GMFB: variants seen among roughly 807,000 people sequenced by gnomAD.
The protein encoded by GMFB is GMF-beta.
GMFB carries 13 observed loss-of-function variants against 25.6 expected under a neutral mutation model. That is an observed-to-expected ratio of 0.51 (90% CI 0.33 to 0.81). GMFB has a LOEUF of 0.81. Ranked by LOEUF, GMFB falls within the 30% of genes least tolerant of loss-of-function variation. The pLI is 0.02. For missense variants in GMFB, 146 were observed against 175.4 expected (o/e 0.83, Z 0.95); for synonymous variants, 57 against 56.9 (o/e 1.00, Z 0.00).
chr14:54,488,643 G>C, intron 1 of GMFB: 1 of 412,246 alleles, frequency 2.4e-6, no homozygotes, highest in East Asian at 3.8e-5. Flanking sequence ...AGAAGGACCT[G>C]GCGTGGGGCC....
chr14:54,488,761 G>C (rs2031824568), intron 1 of GMFB, 164 bp downstream of exon 1: 1 of 547,012 alleles, frequency 1.8e-6, no homozygotes, highest in Non-Finnish European at 3.1e-6. Flanking sequence ...GGCGGCGGCA[G>C]AGGCCAAGTA....
chr14:54,482,661 T>C (rs1050881699), intron 2 of GMFB, among the ~76,000 whole-genome samples: 1 of 152,210 alleles, frequency 6.6e-6, no homozygotes, highest in Admixed American at 6.5e-5. Flanking sequence ...CACGGTATCA[T>C]TATTCTAAGA....
At chr14:54,488,731 A>G (rs2031823983) in intron 1 of GMFB, 194 bp downstream of exon 1, 2 of 510,382 alleles carry the variant, frequency 3.9e-6, no homozygotes, top group African/African-American at 2.0e-5. Context: ...CAGCTGGAAG[A>G]TGCTGCCCTG....
chr14:54,485,741 T>C (rs2031772493), intron 1 of GMFB, among the ~76,000 whole-genome samples: 1 of 152,054 alleles, frequency 6.6e-6, no homozygotes, highest in African/African-American at 2.4e-5. Flanking sequence ...AAAGCAGTAC[T>C]TCAAAATATA....
At chr14:54,488,772 C>T in intron 1 of GMFB, 153 bp downstream of exon 1, 1 of 583,146 alleles carries the variant, frequency 1.7e-6, no homozygotes, top group Non-Finnish European at 2.8e-6. Context: ...AGGCCAAGTA[C>T]TCTAGCTATG....
Position 54,478,143 on chromosome 14 carries a change from TTTC to T in GMFB, c.371_373del (p.Arg124del), listed in dbSNP as rs2031664415. On this transcript the variant is annotated inframe_deletion, in exon 7 of 7. Transcript: ENST00000358056. ...CCATTCTTCAGTTAGGTCTTCGGTA[TTTC>T]TTATTTCAAATACCTTTAAAAAAAA... 1 of 1,381,190 alleles carries T rather than the reference TTTC, an allele frequency of 7.2e-7. No individual in the cohort carries two copies. The highest frequency in any genetic ancestry group is 9.7e-7 in the Non-Finnish European group (1 of 1,029,962). The allele number at this position is 1,381,190 out of a possible 1,614,324, so 85.6% of individuals were successfully genotyped here.
At chr14:54,482,124 TA>T in intron 3 of GMFB, 28 bp downstream of exon 3, 1 of 1,408,220 alleles carries the variant, frequency 7.1e-7, no homozygotes. Context: ...TACTTAACTA[TA>T]AAATTGTATT....
At chr14:54,486,511 T>C (rs1365514299) in intron 1 of GMFB, among the ~76,000 whole-genome samples, 1 of 151,910 alleles carries the variant, frequency 6.6e-6, no homozygotes, top group South Asian at 2.1e-4. Context: ...AAACAACGAG[T>C]GAAGAGACAA....
In GMFB at chr14:54,484,884, A is replaced by T. The variant is rs573612107; in HGVS notation, c.4-1117T>A. On this transcript the variant is annotated intron_variant, in intron 1 of 6. Transcript: ENST00000358056. ...ATGTAAGAATGGTTCAACATGGGCA[A>T]ATCAATAAATGTGATACATTACATT... is the stretch of plus-strand genomic sequence containing the variant. Among the ~76,000 whole-genome samples the T allele has an allele frequency of 2.0e-3, 299 of 152,348 alleles. 2 individuals carry two copies. Among genetic ancestry groups the T allele is most frequent in the African/African-American group, 6.8e-3 (281 of 41,582 alleles).
intron 1 of GMFB, among the ~76,000 whole-genome samples, chr14:54,484,227 A>T (rs2031753971): frequency 6.6e-6 from 1 of 152,170 alleles, no homozygotes; most frequent in South Asian, 2.1e-4. Context: ...GGGGAAAAAA[A>T]ATATAAGCAA....
At chr14:54,479,556 C>T (rs955750648) in intron 6 of GMFB, 3 of 436,276 alleles carry the variant, frequency 6.9e-6, no homozygotes, top group East Asian at 8.0e-5. Flanking sequence ...CTAACACTGC[C>T]TATATTTTGA....
intron 1 of GMFB, among the ~76,000 whole-genome samples, chr14:54,485,507 A>G (rs1046345793): frequency 2.0e-5 from 3 of 152,208 alleles, no homozygotes; most frequent in Non-Finnish European, 4.4e-5. Context: ...CACAGATGAA[A>G]GAAATTGAAG....
intron 6 of GMFB, chr14:54,479,113 T>C (rs1039698747): frequency 1.3e-5 from 2 of 152,126 alleles, no homozygotes; most frequent in Non-Finnish European, 1.5e-5. Context: ...GGGAAAATAC[T>C]GATGCTGTTC....
At position 54,477,515 on chromosome 14, in the gene GMFB, G is replaced by A. The variant is rs2031655922; in HGVS notation, c.*573C>T. The A allele has an allele frequency of 6.6e-6, 1 of 152,020 alleles. No individual in the cohort carries two copies. Among genetic ancestry groups the A allele is most frequent in the Non-Finnish European group, 1.5e-5 (1 of 67,916 alleles). The allele number at this position is 152,020 out of a possible 1,614,324, so 9.4% of individuals were successfully genotyped here. A position where few individuals can be genotyped will look rare whatever the true frequency, so the allele number is the denominator to read the frequency against. On this transcript the variant is annotated 3_prime_UTR_variant, in exon 7 of 7. Coordinates refer to ENST00000358056, the MANE Select transcript of GMFB (RefSeq NM_004124.3). ...AAATCTAACTCCCGACCTTAAAAAT[G>A]AGTGACTGATGAACATAGTTTCTAG...
chr14:54,488,954 C>G lies in GMFB; in HGVS notation c.-27G>C, dbSNP rs1350335111. 6.4e-7 allele frequency: 1 copy of G among 1,558,030 alleles called. No homozygotes were observed. ...TTCCTTCCGGCCGTCAGCGGCCTGT[C>G]GCCTACACTCGGGCGCCTTTAAGAA... On this transcript the variant is annotated 5_prime_UTR_variant, in exon 1 of 7. Coordinates refer to ENST00000358056, the MANE Select transcript of GMFB (RefSeq NM_004124.3).
chr14:54,487,015 A>G (rs1271810649), intron 1 of GMFB, among the ~76,000 whole-genome samples: 1 of 152,246 alleles, frequency 6.6e-6, no homozygotes, highest in African/African-American at 2.4e-5. Context: ...CATGAGTTCT[A>G]CTTTGGACAA....
At chr14:54,481,481 C>G in intron 3 of GMFB, 23 bp from the exon 4 acceptor site, 1 of 1,572,018 alleles carries the variant, frequency 6.4e-7, no homozygotes, top group East Asian at 2.2e-5. Flanking sequence ...AGAAAAGCAA[C>G]TTTTAAACAT....
intron 5 of GMFB, 77 bp from the exon 6 acceptor site, chr14:54,479,936 A>T (rs1332514825): frequency 7.2e-6 from 6 of 831,778 alleles, no homozygotes; most frequent in Non-Finnish European, 1.2e-5. Flanking sequence ...TTTATTTTTT[A>T]AAATGACACA....
Position 54,482,386 on chromosome 14 carries a change from C to T in GMFB, c.101-184G>A, listed in dbSNP as rs1196629977. On this transcript the variant is annotated intron_variant, in intron 2 of 6. Transcript: ENST00000358056. ...CTAGCTTTGCTTTTCAAGCTGTCAG[C>T]TTTTAAAAGCTTTTACCCATAATTC... Among the ~76,000 whole-genome samples, 2 of 152,172 alleles carry T rather than the reference C, an allele frequency of 1.3e-5. 1 individual carries two copies. The highest frequency in any genetic ancestry group is 1.3e-4 in the Admixed American group (2 of 15,276).
Sources: gnomAD v4.1 joint callset for allele counts (sites outside exome capture counted in the v4.1 genomes callset) on GRCh38, gnomAD v4.1.1 for gene constraint, MANE v1.5 for transcripts, NCBI Gene and HGNC (gene_info 2026-07-23, HGNC 2026-07-21) for gene names.